The following ZER1 variants were observed in gnomAD, a reference collection of about 807,000 sequenced individuals.
ZER1 encodes zyg-11 related cell cycle regulator.
In ZER1, 11 loss-of-function variants were observed where a neutral mutation model predicts 78.8. The observed-to-expected ratio is 0.14, with a 90% confidence interval of 0.09 to 0.23. The LOEUF (loss-of-function observed/expected upper bound fraction) is 0.23. Ranked by LOEUF, ZER1 falls within the 10% of genes least tolerant of loss-of-function variation. The probability of loss-of-function intolerance (pLI) is 1.00; values close to 1 mark genes in which losing one functional copy is unlikely to be tolerated. For synonymous variants in ZER1, 400 were observed against 407.0 expected (o/e 0.98, Z 0.21); for missense variants, 588 against 996.9 (o/e 0.59, Z 5.52).
intron 15 of ZER1, among the ~76,000 whole-genome samples, chr9:128,731,826 C>T (rs144824145): frequency 2.0e-5 from 3 of 152,358 alleles, no homozygotes; most frequent in Admixed American, 6.5e-5. Context: ...CCTAGAGGCC[C>T]GGATCCAGTG....
intron 1 of ZER1, among the ~76,000 whole-genome samples, chr9:128,763,336 C>T (rs1010803360): frequency 6.6e-6 from 1 of 152,210 alleles, no homozygotes; most frequent in Non-Finnish European, 1.5e-5. Flanking sequence ...AGTCCCCCCA[C>T]AGGCCCGATC....
intron 13 of ZER1, among the ~76,000 whole-genome samples, chr9:128,739,394 T>C (rs1351084901): frequency 6.6e-6 from 1 of 151,360 alleles, no homozygotes; most frequent in Non-Finnish European, 1.5e-5. Context: ...TCCCAGCTAC[T>C]CTGAGGCTGA....
In ZER1 at chr9:128,741,917, G is replaced by A. The variant is rs1564395759; in HGVS notation, c.1576-76C>T. On this transcript the variant is annotated intron_variant, in intron 9 of 15. Coordinates refer to ENST00000291900, the MANE Select transcript of ZER1 (RefSeq NM_006336.4). ...ACCCCCACGAACCCAAGATGGAGGG[G>A]AGGCTCAGCAACGCCATGGCTAGTT... The A allele has an allele frequency of 2.5e-6, 4 of 1,591,352 alleles. No individual in the cohort carries two copies. The South Asian group carries it at 4.4e-5, about 18-fold the overall frequency.
chr9:128,761,517 G>A (rs1864044718), intron 1 of ZER1, among the ~76,000 whole-genome samples: 1 of 83,356 alleles, frequency 1.2e-5, no homozygotes, highest in Admixed American at 1.4e-4. Context: ...GAACTCCTGA[G>A]CTCAGGTGAT....
At position 128,755,556 on chromosome 9, in the gene ZER1, C is replaced by T. The variant is rs776999214; in HGVS notation, c.10G>A (p.Asp4Asn). Residue 4 changes from aspartate to asparagine, a missense_variant, in exon 2 of 16, where the codon GAC becomes AAC. Asp to Asn is a conservative substitution (Grantham distance 23). This residue lies in a region of ZER1 where 406 missense variants were observed against 660.1 expected (regional missense o/e 0.62). Coordinates refer to ENST00000291900, the MANE Select transcript of ZER1 (RefSeq NM_006336.4). This position sits in a 1 kb window ranked among gnomAD's most constrained non-coding sequence, Gnocchi z 5.6. MAS[D>N]TPESLMALCT... The stretch of plus-strand genomic sequence containing the variant: ...AGGGCCATCAGCGACTCGGGAGTGT[C>T]GGACGCCATGCTGGGGGCAAGCAGG... 7.4e-6 allele frequency: 12 copies of T among 1,612,104 alleles called. No homozygotes were observed. The highest frequency in any genetic ancestry group is 2.2e-5 in the South Asian group (2 of 91,044).
intron 1 of ZER1, among the ~76,000 whole-genome samples, chr9:128,770,584 C>T (rs2132503428): frequency 6.6e-6 from 1 of 152,260 alleles, no homozygotes; most frequent in Admixed American, 6.5e-5. Flanking sequence ...ATGACAACTC[C>T]CAACTCCTTC....
chr9:128,741,589 G>C lies in ZER1; in HGVS notation c.1683C>G (p.Asn561Lys), dbSNP rs1389088116. Residue 561 changes from asparagine to lysine, a missense_variant, in exon 11 of 16, where the codon AAC becomes AAG. Physicochemically the swap from Asn to Lys is moderately conservative, Grantham distance 94. Coordinates refer to ENST00000291900, the MANE Select transcript of ZER1 (RefSeq NM_006336.4). ...CGTTGAAATTGAGGAACATCTCGCAGTTGTCAGGAGTTTCATCTGTGATGT... is the reference window on the plus strand; with the variant it reads ...CGTTGAAATTGAGGAACATCTCGCACTTGTCAGGAGTTTCATCTGTGATGT... ...LWNITDETPD[N>K]CEMFLNFNGM... 6.2e-7 allele frequency: 1 copy of C among 1,614,094 alleles called. No individual in the cohort carries two copies. The highest frequency in any genetic ancestry group is 1.3e-5 in the African/African-American group (1 of 74,936).
chr9:128,759,723 A>G (rs1465634378), intron 1 of ZER1, among the ~76,000 whole-genome samples: 1 of 151,800 alleles, frequency 6.6e-6, no homozygotes, highest in Non-Finnish European at 1.5e-5. Context: ...TGAACCCAGG[A>G]GGCGGAGCTT....
In ZER1 at chr9:128,732,680, C is replaced by T. The variant is rs1862872057; in HGVS notation, c.2243+746G>A. 1.3e-5 allele frequency among the ~76,000 whole-genome samples: 2 copies of T among 152,158 alleles called. No individual in the cohort carries two copies. The highest frequency in any genetic ancestry group is 6.6e-5 in the Admixed American group (1 of 15,262). ...TTCGCCTGGCCAGTAGCGCCTTTGG[C>T]CAGATATAATAGCAGAACCAGCTGA... On this transcript the variant is annotated intron_variant, in intron 15 of 15. Transcript: ENST00000291900. This position sits in a 1 kb window ranked among gnomAD's most constrained non-coding sequence, Gnocchi z 4.8.
Position 128,742,568 on chromosome 9 carries a change from C to A in ZER1, c.1537G>T (p.Asp513Tyr). Residue 513 changes from aspartate (D) to tyrosine (Y), a missense_variant, in exon 9 of 16, where the codon GAC (aspartate) becomes TAC (tyrosine). Physicochemically the swap from Asp to Tyr is radical, Grantham distance 160. This residue lies in a region of ZER1 where 60 missense variants were observed against 163.3 expected (regional missense o/e 0.37). Coordinates refer to ENST00000291900, the MANE Select transcript of ZER1 (RefSeq NM_006336.4). ...CNALVCQVDN[D>Y]HKEAVGKMGF... ...ATCTTGCCCACGGCCTCCTTGTGGT[C>A]GTTGTCTACCTGGCAGACCAGGGCA... 1.2e-6 allele frequency: 2 copies of A among 1,614,208 alleles called. No homozygotes were observed. Among genetic ancestry groups the A allele is most frequent in the South Asian group, 1.1e-5 (1 of 91,072 alleles).
At chr9:128,762,996 G>A (rs1034018777) in intron 1 of ZER1, among the ~76,000 whole-genome samples, 1 of 152,114 alleles carries the variant, frequency 6.6e-6, no homozygotes, top group African/African-American at 2.4e-5. Context: ...GGTCCCCACT[G>A]CCCCCCTACT....
chr9:128,735,312 C>T (rs761208591), intron 14 of ZER1, 22 bp downstream of exon 14: 1 of 1,604,524 alleles, frequency 6.2e-7, no homozygotes, highest in South Asian at 1.1e-5. Flanking sequence ...AGTGTCTGAA[C>T]CCAGGACAAG....
rs370235607 is a variant in ZER1 at position 128,761,183 on chromosome 9, GA to G, written c.-94-5525del. Among the ~76,000 whole-genome samples the G allele has an allele frequency of 7.9e-4, 119 of 151,546 alleles. 1 individual carries two copies. In the South Asian group the frequency reaches 9.6e-3, roughly 12 times the overall value. On this transcript the variant is annotated intron_variant, in intron 1 of 15. Coordinates refer to ENST00000291900, the MANE Select transcript of ZER1 (RefSeq NM_006336.4). ...AAAAAAAAAAAAAAAGGGAGGGGGG[GA>G]TAATAATCTCTACTTCACAGGGCTG...
At chr9:128,734,160 T>TATATATATATATATATATATATATATAA (rs1862967227) in intron 14 of ZER1, among the ~76,000 whole-genome samples, 1 of 65,876 alleles carries the variant, frequency 1.5e-5, no homozygotes, top group Non-Finnish European at 3.3e-5. Flanking sequence ...TATATATATA[T>TATATATATATATATATATATATATATAA]ATAAAATCTT....
At position 128,742,596 on chromosome 9, in the gene ZER1, G is replaced by A; in HGVS notation, c.1509C>T (p.Cys503=). 1.9e-6 allele frequency: 3 copies of A among 1,614,246 alleles called. No individual in the cohort carries two copies. The highest frequency in any genetic ancestry group is 2.5e-6 in the Non-Finnish European group (3 of 1,180,054). ...TGTCTACCTGGCAGACCAGGGCATT[G>A]CACAGGTGCACGGCGATCCGCTGGA... is the stretch of plus-strand genomic sequence containing the variant. ...ESIQRIAVHL[C]NALVCQVDND... is the part of the protein sequence containing the mutation. Residue 503 remains cysteine, a synonymous_variant, in exon 9 of 16, where the codon TGC becomes TGT. Coordinates refer to ENST00000291900, the MANE Select transcript of ZER1 (RefSeq NM_006336.4).
In ZER1 at chr9:128,751,429, T is replaced by C; in HGVS notation, c.1022A>G (p.His341Arg). 6.2e-7 allele frequency: 1 copy of C among 1,614,044 alleles called. No individual in the cohort carries two copies. The highest frequency in any genetic ancestry group is 2.2e-5 in the East Asian group (1 of 44,850). ...LFENSLCRLT[H>R]IPAYKVSGDK... ...ACTGCTCACTTTGTAGGCTGGAATG[T>C]GCGTGAGGCGGCACAGAGAGTTCTC... Residue 341 changes from histidine to arginine, a missense_variant, in exon 6 of 16, where the codon CAC (histidine) becomes CGC (arginine). His to Arg is a conservative substitution (Grantham distance 29). This residue lies in a region of ZER1 where 406 missense variants were observed against 660.1 expected (regional missense o/e 0.62). Transcript: ENST00000291900. This position sits in a 1 kb window ranked among gnomAD's most constrained non-coding sequence, Gnocchi z 5.4.
chr9:128,735,752 T>G (rs1185931307), intron 13 of ZER1, among the ~76,000 whole-genome samples: 3 of 113,106 alleles, frequency 2.7e-5, no homozygotes, highest in African/African-American at 6.6e-5. Flanking sequence ...CAGAAGCACG[T>G]GTGACCTGGT....
chr9:128,761,365 C>A (rs1183218617), intron 1 of ZER1, among the ~76,000 whole-genome samples: 1 of 151,738 alleles, frequency 6.6e-6, no homozygotes, highest in Non-Finnish European at 1.5e-5. Context: ...CAGCTCACTG[C>A]AACCTCTGCT....
chr9:128,738,526 C>T (rs1429873714), intron 13 of ZER1, among the ~76,000 whole-genome samples: 1 of 147,660 alleles, frequency 6.8e-6, no homozygotes, highest in Non-Finnish European at 1.5e-5. Context: ...GCTGGGACTA[C>T]AGGCGCATGC....
Sources: allele counts gnomAD v4.1 joint callset (sites outside exome capture counted in the v4.1 genomes callset), GRCh38; gene constraint gnomAD v4.1.1; regional missense constraint gnomAD v4.1.1; non-coding constraint Gnocchi (gnomAD v3.1); transcripts MANE v1.5; gene names NCBI Gene and HGNC (gene_info 2026-07-23, HGNC 2026-07-21).